The following OPCML variants were observed in gnomAD, a reference collection of about 807,000 sequenced individuals.
OPCML encodes opioid binding protein/cell adhesion molecule like.
In OPCML, 13 loss-of-function variants were observed where a neutral mutation model predicts 37.8. That is an observed-to-expected ratio of 0.34 (90% CI 0.22 to 0.55). The LOEUF (loss-of-function observed/expected upper bound fraction) is 0.55. Among genes scored for constraint, OPCML ranks in the 20% least tolerant of loss-of-function variants. OPCML has a pLI of 0.91. For missense variants in OPCML, 341 were observed against 435.6 expected (o/e 0.78, Z 1.93); for synonymous variants, 176 against 168.8 (o/e 1.04, Z -0.33).
At chr11:132,963,391 A>T (rs913071110) in intron 1 of OPCML, among the ~76,000 whole-genome samples, 2 of 151,968 alleles carry the variant, frequency 1.3e-5, no homozygotes, top group African/African-American at 4.8e-5. Context: ...GGAGTCTAAG[A>T]CCAGCCTGGC....
intron 1 of OPCML, among the ~76,000 whole-genome samples, chr11:132,979,687 T>TAG (rs1946542764): frequency 6.6e-6 from 1 of 152,210 alleles, no homozygotes; most frequent in Non-Finnish European, 1.5e-5. Context: ...AAATGTTGCT[T>TAG]AACATCTCAA....
chr11:133,477,208 G>A (rs555282768), intron 1 of OPCML, among the ~76,000 whole-genome samples: 5 of 152,188 alleles, frequency 3.3e-5, no homozygotes, highest in African/African-American at 9.6e-5. Context: ...TTCAGCACAC[G>A]AAGAGTAGCC....
intron 1 of OPCML, among the ~76,000 whole-genome samples, chr11:133,336,124 A>G (rs1040897677): frequency 3.9e-5 from 6 of 152,182 alleles, no homozygotes; most frequent in African/African-American, 1.4e-4. Flanking sequence ...TCTCATGGCC[A>G]AGGTACCCAA....
rs572861911 is a variant in OPCML at position 133,143,550 on chromosome 11, A to T, written c.62-200540T>A. 2.0e-5 allele frequency among the ~76,000 whole-genome samples: 3 copies of T among 152,324 alleles called. No individual in the cohort carries two copies. In the South Asian group the frequency reaches 6.2e-4, roughly 32 times the overall value. ...AAGGAACAACAATTTTTGATTAAGC[A>T]CTAAAATCTGTGGGTTGCTTACGAG... On this transcript the variant is annotated intron_variant, in intron 1 of 7. Coordinates refer to ENST00000524381, the MANE Select transcript of OPCML (RefSeq NM_001012393.5).
intron 2 of OPCML, among the ~76,000 whole-genome samples, chr11:132,868,296 ATTTTTTTTTTT>A (rs67534174): frequency 9.0e-5 from 7 of 77,466 alleles, no homozygotes; most frequent in Non-Finnish European, 1.7e-4. Flanking sequence ...TGAGGCTGTG[ATTTTTTTTTTT>A]TTTTTTTTTT....
At chr11:133,100,561 A>C (rs56206566) in intron 1 of OPCML, among the ~76,000 whole-genome samples, 14,728 of 152,262 alleles carry the variant, frequency 0.097, 794 homozygotes, top group Non-Finnish European at 0.13. Flanking sequence ...ACCTGACTTC[A>C]AGACTTACTA....
chr11:132,761,768 G>A (rs1217763367), intron 2 of OPCML, among the ~76,000 whole-genome samples: 5 of 151,948 alleles, frequency 3.3e-5, no homozygotes, highest in East Asian at 1.9e-4. Context: ...CCTTTAGCTC[G>A]GAAGAGTTTG....
chr11:133,448,445 A>AT (rs1348609403), intron 1 of OPCML, among the ~76,000 whole-genome samples: 4 of 151,894 alleles, frequency 2.6e-5, no homozygotes, highest in Admixed American at 1.3e-4. Context: ...TTCCTGTAGA[A>AT]ATGTCTAGTG....
chr11:132,889,102 T>G (rs947302218), intron 2 of OPCML, among the ~76,000 whole-genome samples: 1 of 152,208 alleles, frequency 6.6e-6, no homozygotes, highest in South Asian at 2.1e-4. Flanking sequence ...GGGCAATGTA[T>G]AGAGAACATC....
At chr11:132,945,884 G>A (rs942511776) in intron 1 of OPCML, among the ~76,000 whole-genome samples, 31 of 152,242 alleles carry the variant, frequency 2.0e-4, no homozygotes, top group Middle Eastern at 3.4e-3. Flanking sequence ...CCGGGTTCAC[G>A]CCATTCTCCT....
chr11:133,495,736 C>G (rs1947771864), intron 1 of OPCML, among the ~76,000 whole-genome samples: 2 of 151,404 alleles, frequency 1.3e-5, no homozygotes, highest in Admixed American at 6.6e-5. Flanking sequence ...CCTTAACCCA[C>G]CTTTTGATGG....
At chr11:132,933,359 A>C (rs1297377438) in intron 2 of OPCML, among the ~76,000 whole-genome samples, 2 of 152,228 alleles carry the variant, frequency 1.3e-5, no homozygotes, top group African/African-American at 4.8e-5. Flanking sequence ...CAAATCGTTC[A>C]GAATCTCCTG....
intron 1 of OPCML, among the ~76,000 whole-genome samples, chr11:133,003,398 T>C (rs1292808010): frequency 1.3e-5 from 2 of 152,108 alleles, no homozygotes; most frequent in African/African-American, 4.8e-5. Flanking sequence ...CAGATCAGCA[T>C]CTTCAAATCT....
Position 132,650,726 on chromosome 11 carries a change from G to A in OPCML, c.379+6361C>T, listed in dbSNP as rs578154345. On this transcript the variant is annotated intron_variant, in intron 3 of 7. Transcript: ENST00000524381. ...GGAGAGGAACGTCTTGGAGATGCAG[G>A]CCTGCACTTTTAGGAGCCGAGCGCA... Among the ~76,000 whole-genome samples, 7 of 152,258 alleles carry A rather than the reference G, an allele frequency of 4.6e-5. No individual in the cohort carries two copies. The East Asian group carries it at 1.2e-3, about 25-fold the overall frequency.
chr11:133,313,280 G>A (rs1342635847), intron 1 of OPCML, among the ~76,000 whole-genome samples: 1 of 152,114 alleles, frequency 6.6e-6, no homozygotes, highest in Non-Finnish European at 1.5e-5. Flanking sequence ...TTCAGGATTT[G>A]AACTGAAATC....
At chr11:133,116,703 C>T (rs143199061) in intron 1 of OPCML, among the ~76,000 whole-genome samples, 108 of 152,020 alleles carry the variant, frequency 7.1e-4, no homozygotes, top group Admixed American at 4.5e-3. Flanking sequence ...CTTTGATTAC[C>T]TGATTAAGGT....
chr11:133,056,430 A>T (rs78507436), intron 1 of OPCML, among the ~76,000 whole-genome samples: 2,841 of 152,340 alleles, frequency 0.019, 89 homozygotes, highest in African/African-American at 0.065. Context: ...CTCTCCCCAG[A>T]TTCAGTAAAT....
intron 2 of OPCML, among the ~76,000 whole-genome samples, chr11:132,874,452 C>T (rs368255923): frequency 1.6e-5 from 2 of 127,812 alleles, no homozygotes; most frequent in Non-Finnish European, 3.2e-5. Flanking sequence ...TTCTTTCCTT[C>T]CCTTCCTTCC....
At chr11:132,524,058 G>A (rs1045742630) in intron 4 of OPCML, among the ~76,000 whole-genome samples, 2 of 152,194 alleles carry the variant, frequency 1.3e-5, no homozygotes, top group Non-Finnish European at 2.9e-5. Flanking sequence ...AGCCAGGTGT[G>A]TGAGGCATCG....
Sources: allele counts gnomAD v4.1 joint callset (sites outside exome capture counted in the v4.1 genomes callset), GRCh38; gene constraint gnomAD v4.1.1; transcripts MANE v1.5; gene names NCBI Gene and HGNC (gene_info 2026-07-23, HGNC 2026-07-21).